Variants in CNTNAP2 observed in about 807,000 individuals in gnomAD.
The protein encoded by CNTNAP2 is contactin-associated protein-like 2.
A neutral mutation model predicts 155.2 loss-of-function variants in CNTNAP2; 98 were observed. The ratio of observed to expected loss-of-function variants is 0.63; its 90% CI spans 0.54 to 0.75. The LOEUF (loss-of-function observed/expected upper bound fraction) is 0.75, where lower values mean the gene tolerates loss of function less well. CNTNAP2 is among the 30% of genes least tolerant of loss of function. The pLI, the probability that CNTNAP2 is intolerant of heterozygous loss-of-function variation, is 0.00. For synonymous variants in CNTNAP2, 651 were observed against 631.2 expected, an observed-to-expected ratio of 1.03 and a Z score of -0.47; for missense variants, 1,727 against 1,688.1, an observed-to-expected ratio of 1.02 and a Z score of -0.40.
intron 1 of CNTNAP2, among the ~76,000 whole-genome samples, chr7:146,478,823 A>G (rs1584943881): frequency 1.3e-5 from 2 of 152,054 alleles, no homozygotes; most frequent in South Asian, 4.1e-4. Flanking sequence ...GTAATTTAGG[A>G]GAGTTTTCTA....
At chr7:148,054,447 CTTTTTTTTTTTTTT>C (rs61157011) in intron 15 of CNTNAP2, among the ~76,000 whole-genome samples, 3 of 73,076 alleles carry the variant, frequency 4.1e-5, no homozygotes, top group Admixed American at 1.7e-4. Flanking sequence ...TCTCAGTGGC[CTTTTTTTTTTTTTT>C]TTTTTTTTTT....
chr7:148,034,748 T>C (rs1183718816), intron 15 of CNTNAP2, among the ~76,000 whole-genome samples: 4 of 152,220 alleles, frequency 2.6e-5, no homozygotes, highest in Admixed American at 6.5e-5. Flanking sequence ...GGGAAAAGCA[T>C]GCATTGCTAT....
At chr7:147,622,746 C>T (rs1395204397) in intron 12 of CNTNAP2, among the ~76,000 whole-genome samples, 1 of 151,764 alleles carries the variant, frequency 6.6e-6, no homozygotes, top group Non-Finnish European at 1.5e-5. Flanking sequence ...GCAAACCAAA[C>T]TTAAAATTAG....
chr7:146,652,531 G>A (rs2129163966), intron 1 of CNTNAP2, among the ~76,000 whole-genome samples: 2 of 152,206 alleles, frequency 1.3e-5, no homozygotes, highest in South Asian at 4.1e-4. Flanking sequence ...AAATTTTACT[G>A]TCATGACCCC....
At chr7:148,270,891 C>A (rs1796765832) in intron 21 of CNTNAP2, among the ~76,000 whole-genome samples, 1 of 152,186 alleles carries the variant, frequency 6.6e-6, no homozygotes, top group Non-Finnish European at 1.5e-5. Flanking sequence ...CTCTCCTTTG[C>A]AAAATGGGGA....
chr7:147,094,645 A>G (rs146358449), intron 4 of CNTNAP2, among the ~76,000 whole-genome samples: 3,607 of 151,622 alleles, frequency 0.024, 140 homozygotes, highest in African/African-American at 0.076. Context: ...TGACCTCGTG[A>G]TCCGCCTGTC....
chr7:146,715,195 G>T (rs1288394771), intron 1 of CNTNAP2, among the ~76,000 whole-genome samples: 1 of 152,138 alleles, frequency 6.6e-6, no homozygotes, highest in Non-Finnish European at 1.5e-5. Flanking sequence ...CCCGGTTGTG[G>T]TGGTGGGCAC....
intron 3 of CNTNAP2, among the ~76,000 whole-genome samples, chr7:146,945,080 T>G (rs150536762): frequency 6.6e-6 from 1 of 152,210 alleles, no homozygotes; most frequent in African/African-American, 2.4e-5. Flanking sequence ...GCATTCTGTA[T>G]AGTCTCACTG....
chr7:147,102,221 C>CA (rs1563077245), intron 4 of CNTNAP2, among the ~76,000 whole-genome samples: 1 of 137,116 alleles, frequency 7.3e-6, no homozygotes, highest in Non-Finnish European at 1.5e-5. Flanking sequence ...ATGATACTGC[C>CA]ACTGCACAAA....
rs1184188415 is a variant in CNTNAP2, at chr7:146,964,991, G to T, written c.403-78916G>T. The stretch of plus-strand genomic sequence containing the variant: ...ACAAAACAAAACAAAACAAAAAACA[G>T]TGCTACTCCCCTCCTGGAGCTTATC... On this transcript the variant is annotated intron_variant, in intron 3 of 23. Transcript: ENST00000361727. Among the ~76,000 whole-genome samples, 7 of 152,146 alleles carry T rather than the reference G, an allele frequency of 4.6e-5. No individual in the cohort carries two copies. In the East Asian group the frequency reaches 1.4e-3, roughly 29 times the overall value.
intron 1 of CNTNAP2, among the ~76,000 whole-genome samples, chr7:146,381,889 C>G (rs1485060058): frequency 1.3e-5 from 2 of 152,088 alleles, no homozygotes; most frequent in East Asian, 3.9e-4. Flanking sequence ...GACTTAGAAC[C>G]ATTTGTCCCA....
At chr7:146,814,932 A>G (rs1490044376) in intron 2 of CNTNAP2, among the ~76,000 whole-genome samples, 2 of 152,206 alleles carry the variant, frequency 1.3e-5, no homozygotes, top group Non-Finnish European at 2.9e-5. Flanking sequence ...GAGATTTATA[A>G]TAGTTATTGA....
chr7:146,418,127 G>A (rs972664305), intron 1 of CNTNAP2, among the ~76,000 whole-genome samples: 1 of 150,602 alleles, frequency 6.6e-6, no homozygotes, highest in Non-Finnish European at 1.5e-5. Context: ...CTGTGAAAGA[G>A]AAGAAGAAGA....
intron 3 of CNTNAP2, among the ~76,000 whole-genome samples, chr7:146,991,382 G>T (rs1798205169): frequency 6.6e-6 from 1 of 152,134 alleles, no homozygotes; most frequent in Non-Finnish European, 1.5e-5. Context: ...TTAGAGGTCA[G>T]AATGAAGGCA....
chr7:147,127,306 A>T (rs1162139300), intron 6 of CNTNAP2, among the ~76,000 whole-genome samples: 1 of 151,510 alleles, frequency 6.6e-6, no homozygotes, highest in Non-Finnish European at 1.5e-5. Context: ...CTTATATATG[A>T]ACTGTGTGGC....
At chr7:147,385,291 A>G (rs1253733745) in intron 9 of CNTNAP2, among the ~76,000 whole-genome samples, 1 of 152,116 alleles carries the variant, frequency 6.6e-6, no homozygotes, top group Non-Finnish European at 1.5e-5. Context: ...ATCTCATGAC[A>G]TCACATTTCA....
chr7:148,312,422 G>A (rs547504947), intron 21 of CNTNAP2, among the ~76,000 whole-genome samples: 4 of 152,232 alleles, frequency 2.6e-5, no homozygotes, highest in East Asian at 3.9e-4. Context: ...GAAGCCTTGC[G>A]GCAGTACAGC....
At chr7:148,122,000 A>C (rs1804605870) in intron 16 of CNTNAP2, among the ~76,000 whole-genome samples, 3 of 152,226 alleles carry the variant, frequency 2.0e-5, no homozygotes. Flanking sequence ...TTTAGAAAGC[A>C]GGCAAGTAAC....
intron 2 of CNTNAP2, among the ~76,000 whole-genome samples, chr7:146,806,391 G>T (rs1305817995): frequency 6.6e-6 from 1 of 151,966 alleles, no homozygotes; most frequent in African/African-American, 2.4e-5. Context: ...AGCTACTTGG[G>T]AGGCTGAGGC....
Sources: allele counts gnomAD v4.1 joint callset (sites outside exome capture counted in the v4.1 genomes callset), GRCh38; gene constraint gnomAD v4.1.1; transcripts MANE v1.5; gene names NCBI Gene and HGNC (gene_info 2026-07-23, HGNC 2026-07-21).